Variants in RB1 observed in about 807,000 individuals in gnomAD.
RB1 encodes the protein RB transcriptional corepressor 1, also known as retinoblastoma-associated protein.
Under a neutral mutation model 135.4 loss-of-function variants are expected in RB1, and 18 were observed. The ratio of observed to expected loss-of-function variants is 0.13; its 90% CI spans 0.09 to 0.20. The LOEUF (loss-of-function observed/expected upper bound fraction) is 0.20. RB1 is among the 10% of genes least tolerant of loss of function. The pLI is 1.00. For synonymous variants in RB1, 365 were observed against 373.2 expected (o/e 0.98, Z 0.25); for missense variants, 868 against 1,110.0 (o/e 0.78, Z 3.10).
intron 17 of RB1, chr13:48,389,472 A>T (rs1255978053): frequency 1.3e-5 from 2 of 152,242 alleles, no homozygotes; most frequent in Non-Finnish European, 2.9e-5. Flanking sequence ...TGTGAAGTAG[A>T]GGGAATATAA....
At chr13:48,349,449 C>G (rs998352000) in intron 6 of RB1, among the ~76,000 whole-genome samples, 1 of 151,776 alleles carries the variant, frequency 6.6e-6, no homozygotes, top group Non-Finnish European at 1.5e-5. Context: ...TTTATGCAAA[C>G]AGTGTTAACT....
intron 26 of RB1, among the ~76,000 whole-genome samples, chr13:48,478,968 T>C (rs952324165): frequency 6.6e-6 from 1 of 152,234 alleles, no homozygotes. Context: ...GGCTTATGTC[T>C]GTAATACCAG....
At chr13:48,450,812 A>T (rs141160993) in intron 17 of RB1, among the ~76,000 whole-genome samples, 1,783 of 152,342 alleles carry the variant, frequency 0.012, 22 homozygotes, top group South Asian at 0.017. Context: ...TCTATCCATA[A>T]GCATGGAATG....
chr13:48,327,482 A>T (rs2138064323), intron 2 of RB1, among the ~76,000 whole-genome samples: 1 of 152,328 alleles, frequency 6.6e-6, no homozygotes, highest in African/African-American at 2.4e-5. Flanking sequence ...GTTTACATAT[A>T]AAAAAGTTAT....
At position 48,412,181 on chromosome 13, in the gene RB1, A is replaced by G. The variant is rs752756537; in HGVS notation, c.1695+30738A>G. ...TACAAAGTAAATCTCCAAATGGCCAATTCCGTGTTGTGAAGTAAAAAATCC... is the reference window on the plus strand; with the variant it reads ...TACAAAGTAAATCTCCAAATGGCCAGTTCCGTGTTGTGAAGTAAAAAATCC... On this transcript the variant is annotated intron_variant, in intron 17 of 26. Transcript: ENST00000267163. 7.4e-6 allele frequency: 12 copies of G among 1,613,942 alleles called. No individual in the cohort carries two copies. In the Admixed American group the frequency reaches 1.5e-4, roughly 20 times the overall value.
At chr13:48,351,105 G>A (rs1422949394) in intron 6 of RB1, among the ~76,000 whole-genome samples, 1 of 152,176 alleles carries the variant, frequency 6.6e-6, no homozygotes, top group African/African-American at 2.4e-5. Flanking sequence ...TCAGTAATGG[G>A]ATTGCTGGGT....
intron 17 of RB1, among the ~76,000 whole-genome samples, chr13:48,404,769 C>T (rs904392022): frequency 5.3e-5 from 8 of 152,032 alleles, no homozygotes; most frequent in African/African-American, 1.9e-4. Context: ...TCGTGATCCG[C>T]CTGCCTCGGC....
intron 2 of RB1, among the ~76,000 whole-genome samples, chr13:48,313,745 C>CTTTTTTTTTTTTTTTTTTTTTTTT (rs56131979): frequency 9.8e-6 from 1 of 101,954 alleles, no homozygotes; most frequent in Non-Finnish European, 1.8e-5. Context: ...TATGTTTATT[C>CTTTTTTTTTTTTTTTTTTTTTTTT]TTTTTTTTTT....
intron 10 of RB1, among the ~76,000 whole-genome samples, chr13:48,368,043 C>G (rs902196435): frequency 1.3e-5 from 2 of 152,100 alleles, no homozygotes; most frequent in Non-Finnish European, 1.5e-5. Context: ...AAATTTTTGA[C>G]TGATCATAAG....
intron 24 of RB1, among the ~76,000 whole-genome samples, chr13:48,475,245 C>T (rs1320558930): frequency 6.6e-6 from 1 of 152,172 alleles, no homozygotes; most frequent in Non-Finnish European, 1.5e-5. Flanking sequence ...TACCCCCAAA[C>T]TTAGTGACTT....
intron 17 of RB1, among the ~76,000 whole-genome samples, chr13:48,416,837 G>T (rs1185692630): frequency 6.6e-6 from 1 of 152,086 alleles, no homozygotes; most frequent in African/African-American, 2.4e-5. Flanking sequence ...GAACTGGGTG[G>T]AGCCCACTGT....
At chr13:48,440,808 A>G (rs1949229603) in intron 17 of RB1, among the ~76,000 whole-genome samples, 1 of 152,210 alleles carries the variant, frequency 6.6e-6, no homozygotes, top group East Asian at 1.9e-4. Context: ...TAGAAAATGA[A>G]AGGAGCTTAA....
chr13:48,318,860 GGTCAAAAC>G lies in RB1; in HGVS notation c.264+11458_264+11465del, dbSNP rs975820893. On this transcript the variant is annotated intron_variant, in intron 2 of 26. Coordinates refer to ENST00000267163, the MANE Select transcript of RB1 (RefSeq NM_000321.3). ...GCAAACTCCCCGACTATGCCTTGAG[GGTCAAAAC>G]GTCTGGATTTCCTGATCGATGCTGT... is the stretch of plus-strand genomic sequence containing the variant. 82 of 1,091,884 alleles carry G rather than the reference GGTCAAAAC, an allele frequency of 7.5e-5. No homozygotes were observed. In the African/African-American group the frequency reaches 1.0e-3, roughly 14 times the overall value. 67.6% of individuals were successfully genotyped at this position (1,091,884 alleles called of 1,614,324 possible).
At chr13:48,358,689 C>T (rs1052800828) in intron 6 of RB1, among the ~76,000 whole-genome samples, 3 of 152,086 alleles carry the variant, frequency 2.0e-5, no homozygotes, top group Admixed American at 6.6e-5. Flanking sequence ...TTACTTCCTC[C>T]ATTTTACTCT....
In RB1 at chr13:48,481,795, A is replaced by G. The variant is rs890128261; in HGVS notation, c.*1724A>G. 8 of 226,730 alleles carry G rather than the reference A, an allele frequency of 3.5e-5. No individual in the cohort carries two copies. The highest frequency in any genetic ancestry group is 7.0e-5 in the Non-Finnish European group (8 of 114,000). 14.0% of individuals were successfully genotyped at this position (226,730 alleles called of 1,614,324 possible). A position where few individuals can be genotyped will look rare whatever the true frequency, so the allele number is the denominator to read the frequency against. Reference sequence around the variant, plus strand: ...TATTATTGCTTTATTGCTTTTTTGTATTGGTTAAAACTGTACATTTAAAAT... The same window carrying G: ...TATTATTGCTTTATTGCTTTTTTGTGTTGGTTAAAACTGTACATTTAAAAT... On this transcript the variant is annotated 3_prime_UTR_variant, in exon 27 of 27. Coordinates refer to ENST00000267163, the MANE Select transcript of RB1 (RefSeq NM_000321.3).
At chr13:48,364,835 C>G (rs2138116069) in intron 8 of RB1, 59 bp from the exon 9 acceptor site, 1 of 1,528,192 alleles carries the variant, frequency 6.5e-7, no homozygotes, top group South Asian at 1.2e-5. Flanking sequence ...GTTCAAGAGT[C>G]AAGAGATTAG....
chr13:48,439,954 A>ATAT (rs1949220509), intron 17 of RB1: 3 of 151,708 alleles, frequency 2.0e-5, no homozygotes, highest in Admixed American at 1.3e-4. Context: ...GGAGGAGATT[A>ATAT]GATAGATACA....
intron 17 of RB1, among the ~76,000 whole-genome samples, chr13:48,441,648 C>T (rs933916245): frequency 6.6e-6 from 1 of 151,960 alleles, no homozygotes; most frequent in Non-Finnish European, 1.5e-5. Flanking sequence ...GTGTTATTTA[C>T]TAGAAAATAA....
At chr13:48,345,319 C>T (rs1374699397) in intron 4 of RB1, 120 bp downstream of exon 4, 1 of 1,161,058 alleles carries the variant, frequency 8.6e-7, no homozygotes, top group African/African-American at 1.5e-5. Context: ...TTAGACTTGT[C>T]CCTTTTAATG....
Sources: allele counts gnomAD v4.1 joint callset (sites outside exome capture counted in the v4.1 genomes callset), GRCh38; gene constraint gnomAD v4.1.1; transcripts MANE v1.5; gene names NCBI Gene and HGNC (gene_info 2026-07-23, HGNC 2026-07-21).